The following SH3GL2 variants were observed in gnomAD, a reference collection of about 807,000 sequenced individuals.
SH3GL2 encodes SH3 domain containing GRB2 like 2, endophilin A1, also known as endophilin-A1.
In SH3GL2, 24 loss-of-function variants were observed where a neutral mutation model predicts 46.0. That is an observed-to-expected ratio of 0.52 (90% CI 0.38 to 0.73). The LOEUF is 0.73. Ranked by LOEUF, SH3GL2 falls within the 30% of genes least tolerant of loss-of-function variation. The pLI is 0.00. For missense variants in SH3GL2, 413 were observed against 424.2 expected, an observed-to-expected ratio of 0.97 and a Z score of 0.23; for synonymous variants, 196 against 147.1, an observed-to-expected ratio of 1.33 and a Z score of -2.40.
At chr9:17,666,312 A>G (rs1380079982) in intron 1 of SH3GL2, among the ~76,000 whole-genome samples, 2 of 151,712 alleles carry the variant, frequency 1.3e-5, no homozygotes, top group East Asian at 1.9e-4. Context: ...TGTTGATTTT[A>G]TTTATTTGGA....
At chr9:17,715,446 A>C (rs1210063363) in intron 1 of SH3GL2, among the ~76,000 whole-genome samples, 1 of 149,656 alleles carries the variant, frequency 6.7e-6, no homozygotes, top group Admixed American at 6.7e-5. Context: ...AACTTCACTT[A>C]CTCTTCTGTT....
At chr9:17,591,145 C>G (rs1156625612) in intron 1 of SH3GL2, 1 of 151,898 alleles carries the variant, frequency 6.6e-6, no homozygotes, top group Non-Finnish European at 1.5e-5. Flanking sequence ...ACATTTTCAC[C>G]AAAAAAATCA....
intron 3 of SH3GL2, among the ~76,000 whole-genome samples, chr9:17,762,069 A>G (rs1179274034): frequency 2.0e-5 from 3 of 152,178 alleles, no homozygotes; most frequent in Admixed American, 6.5e-5. Context: ...ACGGAGCTAT[A>G]TGTTGATAAG....
At chr9:17,705,283 C>T (rs1342529027) in intron 1 of SH3GL2, among the ~76,000 whole-genome samples, 2 of 152,080 alleles carry the variant, frequency 1.3e-5, no homozygotes, top group African/African-American at 2.4e-5. Flanking sequence ...AATGCTTATA[C>T]ACTGCTGCTG....
intron 1 of SH3GL2, among the ~76,000 whole-genome samples, chr9:17,725,403 A>T (rs901840553): frequency 6.6e-6 from 1 of 151,986 alleles, no homozygotes; most frequent in Non-Finnish European, 1.5e-5. Context: ...TGTTACTGTT[A>T]TCATGAAGCT....
At chr9:17,698,299 C>G (rs565051599) in intron 1 of SH3GL2, among the ~76,000 whole-genome samples, 2 of 152,272 alleles carry the variant, frequency 1.3e-5, no homozygotes, top group East Asian at 3.9e-4. Context: ...ATAAAATGGT[C>G]CAAGCCATAT....
intron 3 of SH3GL2, among the ~76,000 whole-genome samples, chr9:17,763,117 G>A (rs1328648044): frequency 6.6e-6 from 1 of 152,142 alleles, no homozygotes; most frequent in Non-Finnish European, 1.5e-5. Flanking sequence ...ATCTTTAAAA[G>A]TAACCATTTT....
At chr9:17,727,883 A>T (rs1241724641) in intron 1 of SH3GL2, among the ~76,000 whole-genome samples, 1 of 152,018 alleles carries the variant, frequency 6.6e-6, no homozygotes, top group Non-Finnish European at 1.5e-5. Flanking sequence ...TCACCCAGAT[A>T]ATCTGCTGTC....
intron 1 of SH3GL2, among the ~76,000 whole-genome samples, chr9:17,603,599 T>C (rs970400745): frequency 2.0e-5 from 3 of 152,010 alleles, no homozygotes; most frequent in Admixed American, 6.6e-5. Context: ...GGTGGCTCAC[T>C]CCTGTAATCC....
At chr9:17,621,062 G>C (rs918918252) in intron 1 of SH3GL2, among the ~76,000 whole-genome samples, 1 of 152,116 alleles carries the variant, frequency 6.6e-6, no homozygotes, top group South Asian at 2.1e-4. Context: ...TGTGGTTTTC[G>C]TGTATGAAAA....
intron 1 of SH3GL2, among the ~76,000 whole-genome samples, chr9:17,672,957 A>T (rs1279511040): frequency 6.6e-6 from 1 of 152,116 alleles, no homozygotes; most frequent in Non-Finnish European, 1.5e-5. Flanking sequence ...TCTCCTCCAG[A>T]GAAGACTACT....
chr9:17,630,589 A>G (rs1209261293), intron 1 of SH3GL2, among the ~76,000 whole-genome samples: 3 of 152,212 alleles, frequency 2.0e-5, no homozygotes, highest in Admixed American at 6.5e-5. Context: ...GGCACATGCT[A>G]TATGACTTTT....
intron 1 of SH3GL2, among the ~76,000 whole-genome samples, chr9:17,640,917 G>C (rs917190691): frequency 2.6e-5 from 4 of 152,022 alleles, no homozygotes; most frequent in African/African-American, 9.7e-5. Flanking sequence ...TTTTAAAATT[G>C]ATTTCTAGGG....
At chr9:17,693,457 A>T (rs1239175267) in intron 1 of SH3GL2, among the ~76,000 whole-genome samples, 1 of 152,090 alleles carries the variant, frequency 6.6e-6, no homozygotes. Flanking sequence ...AGGGATAGAA[A>T]GTTTTTGTTT....
chr9:17,754,638 A>C (rs1822938482), intron 2 of SH3GL2, among the ~76,000 whole-genome samples: 1 of 152,086 alleles, frequency 6.6e-6, no homozygotes, highest in Non-Finnish European at 1.5e-5. Context: ...ACGCCACTGT[A>C]CTCCAGCCTG....
intron 1 of SH3GL2, among the ~76,000 whole-genome samples, chr9:17,632,084 A>G (rs1017110971): frequency 6.6e-6 from 1 of 152,124 alleles, no homozygotes. Flanking sequence ...AATTTCCTCA[A>G]TACATTTTGG....
At chr9:17,699,191 A>T (rs1228590213) in intron 1 of SH3GL2, among the ~76,000 whole-genome samples, 1 of 151,270 alleles carries the variant, frequency 6.6e-6, no homozygotes, top group Non-Finnish European at 1.5e-5. Flanking sequence ...ATACAGAAAG[A>T]CATGGGGGAG....
intron 1 of SH3GL2, among the ~76,000 whole-genome samples, chr9:17,680,844 G>C (rs1329947592): frequency 6.6e-6 from 1 of 151,964 alleles, no homozygotes; most frequent in Non-Finnish European, 1.5e-5. Flanking sequence ...TGTTCTCGTT[G>C]GTTTGAAAGA....
rs149975145 is a variant in SH3GL2, at chr9:17,717,406, A to G, written c.46-29660A>G. 4.5e-3 allele frequency among the ~76,000 whole-genome samples: 678 copies of G among 150,232 alleles called. 5 individuals are homozygous for G. The highest frequency in any genetic ancestry group is 0.016 in the African/African-American group (632 of 39,596). ...TCATATGAAATTAATCTTTTTTCCCACACAGTAGCCCCACTCTTATTTGAG... is the reference window on the plus strand; with the variant it reads ...TCATATGAAATTAATCTTTTTTCCCGCACAGTAGCCCCACTCTTATTTGAG... On this transcript the variant is annotated intron_variant, in intron 1 of 8. Coordinates refer to ENST00000380607, the MANE Select transcript of SH3GL2 (RefSeq NM_003026.5).
Sources: allele counts gnomAD v4.1 joint callset (sites outside exome capture counted in the v4.1 genomes callset), GRCh38; gene constraint gnomAD v4.1.1; transcripts MANE v1.5; gene names NCBI Gene and HGNC (gene_info 2026-07-23, HGNC 2026-07-21).